MRPS9: variants seen among roughly 807,000 people sequenced by gnomAD.
MRPS9 encodes the protein mitochondrial ribosomal protein S9.
Under a neutral mutation model 59.9 loss-of-function variants are expected in MRPS9, and 45 were observed. That is an observed-to-expected ratio of 0.75 (90% CI 0.59 to 0.96). The LOEUF is 0.96. MRPS9 is among the 40% of genes least tolerant of loss of function. The pLI, the probability that MRPS9 is intolerant of heterozygous loss-of-function variation, is 0.00. For synonymous variants in MRPS9, 171 were observed against 166.8 expected (o/e 1.03, Z -0.19); for missense variants, 473 against 481.1 (o/e 0.98, Z 0.16).
chr2:105,081,487 G>T (rs1680346857), intron 5 of MRPS9, among the ~76,000 whole-genome samples: 1 of 152,190 alleles, frequency 6.6e-6, no homozygotes, highest in African/African-American at 2.4e-5. Context: ...AGGTCTTGTA[G>T]AGGAGCCTTA....
chr2:105,044,247 A>G (rs1033798770), intron 1 of MRPS9, among the ~76,000 whole-genome samples: 1 of 152,130 alleles, frequency 6.6e-6, no homozygotes, highest in African/African-American at 2.4e-5. Flanking sequence ...ATTGTTCTTA[A>G]CAGTGGCAAA....
intron 2 of MRPS9, among the ~76,000 whole-genome samples, chr2:105,061,541 A>G (rs1679904544): frequency 6.6e-6 from 1 of 152,222 alleles, no homozygotes; most frequent in Admixed American, 6.5e-5. Context: ...AGACTGCGGC[A>G]GATGCATTTT....
intron 4 of MRPS9, among the ~76,000 whole-genome samples, chr2:105,073,159 T>C (rs1216203442): frequency 1.3e-5 from 2 of 152,148 alleles, no homozygotes; most frequent in Non-Finnish European, 2.9e-5. Flanking sequence ...GCTCCTCACC[T>C]ATTTCTCTCT....
chr2:105,084,247 A>ATAT, intron 5 of MRPS9, among the ~76,000 whole-genome samples: 1 of 139,594 alleles, frequency 7.2e-6, no homozygotes, highest in Non-Finnish European at 1.5e-5. Context: ...TATATACCAA[A>ATAT]ATATATATAT....
intron 2 of MRPS9, among the ~76,000 whole-genome samples, chr2:105,060,154 A>C (rs950938283): frequency 6.6e-6 from 1 of 152,024 alleles, no homozygotes; most frequent in Non-Finnish European, 1.5e-5. Flanking sequence ...TTTGTGAAGT[A>C]GCCCTATTAC....
intron 2 of MRPS9, among the ~76,000 whole-genome samples, chr2:105,059,618 T>C (rs1679858637): frequency 6.6e-6 from 1 of 152,046 alleles, no homozygotes; most frequent in African/African-American, 2.4e-5. Flanking sequence ...TTAGTTTAAA[T>C]AATAATTTTT....
intron 4 of MRPS9, among the ~76,000 whole-genome samples, chr2:105,074,074 G>A (rs1269246901): frequency 6.6e-6 from 1 of 152,118 alleles, no homozygotes; most frequent in African/African-American, 2.4e-5. Flanking sequence ...CCATATGACT[G>A]TTGAGTTAAA....
intron 1 of MRPS9, among the ~76,000 whole-genome samples, chr2:105,048,566 G>A (rs1275766894): frequency 1.3e-5 from 2 of 151,912 alleles, no homozygotes; most frequent in Non-Finnish European, 2.9e-5. Context: ...TTAGCATGTT[G>A]AGCCAAATTA....
Position 105,045,340 on chromosome 2 carries a change from TC to T in MRPS9, c.136-3830del, listed in dbSNP as rs1296526665. On this transcript the variant is annotated intron_variant, in intron 1 of 10. Transcript: ENST00000258455. ...AGCCAAAAAAAAAAGAAAACCCAAT[TC>T]TTTTTTTTTTTTCATATAGCAAAAG... Among the ~76,000 whole-genome samples, 10 of 148,806 alleles carry T rather than the reference TC, an allele frequency of 6.7e-5. No individual in the cohort carries two copies. The South Asian group carries it at 1.7e-3, about 25-fold the overall frequency.
chr2:105,075,578 G>A (rs927217855), intron 4 of MRPS9, among the ~76,000 whole-genome samples: 12 of 152,258 alleles, frequency 7.9e-5, no homozygotes, highest in African/African-American at 2.9e-4. Flanking sequence ...CCTTCAGAGG[G>A]TCACACAATT....
Position 105,038,226 on chromosome 2 carries a change from AG to A in MRPS9, c.135+1del. ...GAGTTGCAAACAAATGTCAGATCCC[AG>A]GTAAGGCCTGGGAAGACTGGAAGCG... The part of the protein sequence containing the change: ...APELQTNVRS[Q>X]ILRLRHTAFV... On this transcript the variant is annotated frameshift_variant and splice_region_variant, in exon 1 of 11. Transcript: ENST00000258455. LOFTEE classifies it high-confidence loss of function. The A allele has an allele frequency of 1.2e-6, 2 of 1,610,594 alleles. No individual in the cohort carries two copies. The highest frequency in any genetic ancestry group is 1.7e-6 in the Non-Finnish European group (2 of 1,178,438).
intron 9 of MRPS9, 58 bp from the exon 10 acceptor site, chr2:105,097,097 T>C (rs1680676629): frequency 1.5e-6 from 2 of 1,373,980 alleles, no homozygotes; most frequent in Non-Finnish European, 1.9e-6. Flanking sequence ...TTCAGTTGTT[T>C]ACATAATTAT....
At chr2:105,083,887 G>A (rs1293193066) in intron 5 of MRPS9, among the ~76,000 whole-genome samples, 2 of 152,144 alleles carry the variant, frequency 1.3e-5, no homozygotes, top group African/African-American at 2.4e-5. Context: ...AATGTCCCAT[G>A]AAACCAGTGC....
rs1433366117 is a variant in MRPS9, at chr2:105,074,230, G to A, written c.409+2741G>A. On this transcript the variant is annotated intron_variant, in intron 4 of 10. Coordinates refer to ENST00000258455, the MANE Select transcript of MRPS9 (RefSeq NM_182640.3). ...TGAATATAAATGAACTAAATTTTCG[G>A]TTCAGGAAGCCAGAAAAAGAAAAAT... Among the ~76,000 whole-genome samples the A allele has an allele frequency of 2.6e-5, 4 of 152,114 alleles. No individual in the cohort carries two copies. The East Asian group carries it at 7.7e-4, about 29-fold the overall frequency.
intron 10 of MRPS9, among the ~76,000 whole-genome samples, chr2:105,099,454 C>G (rs1016253746): frequency 2.0e-5 from 3 of 152,150 alleles, no homozygotes; most frequent in African/African-American, 7.2e-5. Flanking sequence ...AATAATGTAA[C>G]TTGTGTTTGT....
intron 4 of MRPS9, among the ~76,000 whole-genome samples, chr2:105,071,874 C>T (rs987235496): frequency 6.6e-5 from 10 of 152,056 alleles, no homozygotes; most frequent in African/African-American, 2.4e-4. Flanking sequence ...TCTGTTCTTT[C>T]AATACTTTAA....
At chr2:105,057,656 G>A (rs538616896) in intron 2 of MRPS9, among the ~76,000 whole-genome samples, 1 of 152,242 alleles carries the variant, frequency 6.6e-6, no homozygotes, top group South Asian at 2.1e-4. Context: ...GCAGACGTGG[G>A]GTAACAATGA....
intron 7 of MRPS9, among the ~76,000 whole-genome samples, chr2:105,091,106 T>A (rs187977583): frequency 2.0e-5 from 3 of 152,332 alleles, no homozygotes; most frequent in Admixed American, 6.5e-5. Context: ...GTATTTTTTC[T>A]GCTTTGTAAT....
At chr2:105,058,981 T>C (rs1033458111) in intron 2 of MRPS9, among the ~76,000 whole-genome samples, 2 of 151,976 alleles carry the variant, frequency 1.3e-5, no homozygotes, top group African/African-American at 4.8e-5. Flanking sequence ...CCCGGCAGTT[T>C]AATGAGTTTC....
Sources: gnomAD v4.1 joint callset for allele counts (sites outside exome capture counted in the v4.1 genomes callset) on GRCh38, gnomAD v4.1.1 for gene constraint, MANE v1.5 for transcripts, NCBI Gene and HGNC (gene_info 2026-07-23, HGNC 2026-07-21) for gene names.